SPATS1: variants seen among roughly 807,000 people sequenced by gnomAD.
The protein encoded by SPATS1 is spermatogenesis-associated serine-rich protein 1.
SPATS1 carries 23 observed loss-of-function variants against 33.6 expected under a neutral mutation model. That is an observed-to-expected ratio of 0.68 (90% CI 0.49 to 0.97). The LOEUF (loss-of-function observed/expected upper bound fraction) is 0.97. Among genes scored for constraint, SPATS1 ranks in the 50% least tolerant of loss-of-function variants. The pLI is 0.00. For synonymous variants in SPATS1, 131 were observed against 125.6 expected (o/e 1.04, Z -0.29); for missense variants, 327 against 361.0 (o/e 0.91, Z 0.76).
In SPATS1 at chr6:44,343,202, A is replaced by G; in HGVS notation, c.107A>G (p.Asp36Gly). Reference protein sequence around the residue: ...RQLEKVPEKRDSGMTEVERTY... With the variant: ...RQLEKVPEKRGSGMTEVERTY... ...CTGGAGAAGGTTCCAGAAAAAAGGG[A>G]CTCTGGCATGACCGAGGTGGAGAGG... Residue 36 changes from aspartate to glycine, a missense_variant, in exon 2 of 9, where the codon GAC (aspartate) becomes GGC (glycine). Physicochemically the swap from Asp to Gly is moderately conservative, Grantham distance 94. Coordinates refer to ENST00000674044, the MANE Select transcript of SPATS1 (RefSeq NM_001372081.1). The G allele has an allele frequency of 1.2e-6, 2 of 1,613,108 alleles. No homozygotes were observed. The highest frequency in any genetic ancestry group is 2.7e-5 in the African/African-American group (2 of 74,626).
At chr6:44,362,827 G>C (rs1346029349) in intron 5 of SPATS1, among the ~76,000 whole-genome samples, 2 of 151,628 alleles carry the variant, frequency 1.3e-5, no homozygotes, top group Non-Finnish European at 2.9e-5. Context: ...TCCGTGAGGA[G>C]TCCTGCACCT....
intron 3 of SPATS1, among the ~76,000 whole-genome samples, chr6:44,357,478 G>A (rs1337896210): frequency 6.6e-6 from 1 of 152,124 alleles, no homozygotes; most frequent in African/African-American, 2.4e-5. Flanking sequence ...GGCCTCCTGG[G>A]TTCAAGTGAT....
At chr6:44,367,040 G>T (rs1185273449) in intron 5 of SPATS1, among the ~76,000 whole-genome samples, 1 of 152,180 alleles carries the variant, frequency 6.6e-6, no homozygotes, top group Non-Finnish European at 1.5e-5. Context: ...TTACTTGTCA[G>T]TGCCCTGGTT....
At position 44,352,802 on chromosome 6, in the gene SPATS1, C is replaced by G. The variant is rs1329784408; in HGVS notation, c.216C>G (p.Ser72=). ...NTTPSGKSVS[S]SSSVETGPSV... ...CACCCTCTGGCAAAAGTGTCAGTTC[C>G]TCATCTTCTGTGGAAACAGGCCCAA... Residue 72 remains serine, a synonymous_variant, in exon 3 of 9, where the codon TCC becomes TCG. Transcript: ENST00000674044. 3 of 1,614,036 alleles carry G rather than the reference C, an allele frequency of 1.9e-6. No homozygotes were observed. Among genetic ancestry groups the G allele is most frequent in the Non-Finnish European group, 2.5e-6 (3 of 1,180,020 alleles).
chr6:44,362,092 A>C, intron 5 of SPATS1, 100 bp downstream of exon 5: 1 of 1,441,788 alleles, frequency 6.9e-7, no homozygotes, highest in Non-Finnish European at 9.6e-7. Context: ...AGCCCTGTAG[A>C]GTCACCATGT....
intron 6 of SPATS1, among the ~76,000 whole-genome samples, chr6:44,368,742 C>T (rs79988153): frequency 0.074 from 11,249 of 152,196 alleles, 701 homozygotes; most frequent in East Asian, 0.24. Context: ...TCTATTATCA[C>T]AGATTTGAAA....
At position 44,360,589 on chromosome 6, in the gene SPATS1, T is replaced by A. The variant is rs1466427686; in HGVS notation, c.412+19T>A. ...CAGACGAGTAAGTCACAGACCCTCC[T>A]CCACATGCTTCTGTGCCCCAGGTCT... On this transcript the variant is annotated intron_variant, in intron 4 of 8. Coordinates refer to ENST00000674044, the MANE Select transcript of SPATS1 (RefSeq NM_001372081.1). The A allele has an allele frequency of 6.2e-7, 1 of 1,613,612 alleles. No homozygotes were observed. The highest frequency in any genetic ancestry group is 1.1e-5 in the South Asian group (1 of 90,980).
chr6:44,351,367 G>A (rs1167767495), intron 2 of SPATS1, among the ~76,000 whole-genome samples: 5 of 151,942 alleles, frequency 3.3e-5, no homozygotes, highest in African/African-American at 9.7e-5. Context: ...GTATTGCGGG[G>A]GTCCTGGAAC....
chr6:44,361,605 C>T (rs1288584836), intron 4 of SPATS1: 1 of 913,336 alleles, frequency 1.1e-6, no homozygotes, highest in Non-Finnish European at 1.3e-6. Context: ...AGAGGGCAAA[C>T]AAAAACAAAG....
At position 44,379,271 on chromosome 6, in the gene SPATS1, G is replaced by C. The variant is rs1461851291; in HGVS notation, c.*2208G>C. 6.6e-6 allele frequency among the ~76,000 whole-genome samples: 1 copy of C among 152,132 alleles called. No homozygotes were observed. The highest frequency in any genetic ancestry group is 1.5e-5 in the Non-Finnish European group (1 of 68,032). On this transcript the variant is annotated 3_prime_UTR_variant, in exon 9 of 9. Coordinates refer to ENST00000674044, the MANE Select transcript of SPATS1 (RefSeq NM_001372081.1). ...AAGGTTCCCTGGTGTTTTGGAAGGAGGGAGTCCTACACCATAAATATATTA... is the reference window on the plus strand; with the variant it reads ...AAGGTTCCCTGGTGTTTTGGAAGGACGGAGTCCTACACCATAAATATATTA...
chr6:44,360,401 C>T (rs1350886254), intron 3 of SPATS1, 45 bp from the exon 4 acceptor site: 3 of 1,612,426 alleles, frequency 1.9e-6, no homozygotes, highest in African/African-American at 1.3e-5. Flanking sequence ...CAGGCTGTAA[C>T]TACCAGTTTA....
rs569530686 is a variant in SPATS1, at chr6:44,376,526, G to A, written c.874+53G>A. On this transcript the variant is annotated intron_variant, in intron 8 of 8. Transcript: ENST00000674044. ...TGTAAAAACTGGAGGAGTCCGCCGG[G>A]TATGGTGGCTCACTCCTGTAATCCC... The A allele has an allele frequency of 1.4e-5, 18 of 1,297,568 alleles. No homozygotes were observed. In the African/African-American group the frequency reaches 2.5e-4, roughly 18 times the overall value. 80.4% of individuals were successfully genotyped at this position (1,297,568 alleles called of 1,614,324 possible).
rs530336755 is a variant in SPATS1 at position 44,343,377 on chromosome 6, G to A, written c.139+143G>A. 61 of 940,518 alleles carry A rather than the reference G, an allele frequency of 6.5e-5. No individual in the cohort carries two copies. In the Admixed American group the frequency reaches 7.7e-4, roughly 12 times the overall value. The allele number at this position is 940,518 out of a possible 1,614,324, so 58.3% of individuals were successfully genotyped here. ...GCATGTAAAAAGAGCTGCTTGAATA[G>A]TAGCTTATGTTTGTGCTAACCCAAG... On this transcript the variant is annotated intron_variant, in intron 2 of 8. Transcript: ENST00000674044.
At chr6:44,343,864 T>C (rs1051550411) in intron 2 of SPATS1, among the ~76,000 whole-genome samples, 1 of 152,096 alleles carries the variant, frequency 6.6e-6, no homozygotes, top group African/African-American at 2.4e-5. Flanking sequence ...TATGGGTGAG[T>C]GGCCTGAGTG....
At chr6:44,344,233 A>C (rs1314823974) in intron 2 of SPATS1, among the ~76,000 whole-genome samples, 1 of 152,222 alleles carries the variant, frequency 6.6e-6, no homozygotes, top group Non-Finnish European at 1.5e-5. Flanking sequence ...TAGGGGTAGC[A>C]GAAGGGTACC....
In SPATS1 at chr6:44,352,789, A is replaced by G. The variant is rs779543185; in HGVS notation, c.203A>G (p.Lys68Arg). Residue 68 changes from lysine to arginine, a missense_variant, in exon 3 of 9, where the codon AAA (lysine) becomes AGA (arginine). By Grantham distance (26) the Lys-to-Arg change is conservative (BLOSUM62 2). Coordinates refer to ENST00000674044, the MANE Select transcript of SPATS1 (RefSeq NM_001372081.1). ...TTTGCCAACACAACACCCTCTGGCA[A>G]AAGTGTCAGTTCCTCATCTTCTGTG... is the stretch of plus-strand genomic sequence containing the variant. ...GCFANTTPSG[K>R]SVSSSSSVET... 1.2e-6 allele frequency: 2 copies of G among 1,614,136 alleles called. No homozygotes were observed. The highest frequency in any genetic ancestry group is 1.7e-5 in the Admixed American group (1 of 60,024).
chr6:44,377,003 G>A (rs779051973), intron 8 of SPATS1, 32 bp from the exon 9 acceptor site: 4 of 1,613,914 alleles, frequency 2.5e-6, no homozygotes, highest in Non-Finnish European at 3.4e-6. Flanking sequence ...TGTAATGGAA[G>A]AAAACCTGTA....
chr6:44,371,982 G>A (rs1426894656), intron 7 of SPATS1, among the ~76,000 whole-genome samples: 1 of 150,190 alleles, frequency 6.7e-6, no homozygotes, highest in Admixed American at 6.7e-5. Flanking sequence ...TTGCAGCCGG[G>A]CATGATGGCT....
At chr6:44,347,028 G>A (rs1204906144) in intron 2 of SPATS1, among the ~76,000 whole-genome samples, 1 of 152,172 alleles carries the variant, frequency 6.6e-6, no homozygotes, top group East Asian at 1.9e-4. Flanking sequence ...TATACACCAT[G>A]GAATACTATG....
Sources: allele counts gnomAD v4.1 joint callset (sites outside exome capture counted in the v4.1 genomes callset), GRCh38; gene constraint gnomAD v4.1.1; transcripts MANE v1.5; gene names NCBI Gene and HGNC (gene_info 2026-07-23, HGNC 2026-07-21).